Variants in AAK1 observed in about 807,000 individuals in gnomAD.
AAK1 encodes AP2-associated protein kinase 1.
AAK1 carries 37 observed loss-of-function variants against 116.0 expected under a neutral mutation model. The observed-to-expected ratio is 0.32, with a 90% CI of 0.25 to 0.42. AAK1 has a LOEUF of 0.42. Ranked by LOEUF, AAK1 falls within the 10% of genes least tolerant of loss-of-function variation. The pLI is 1.00. For synonymous variants in AAK1, 458 were observed against 439.9 expected (o/e 1.04, Z -0.51); for missense variants, 919 against 1,170.6 (o/e 0.79, Z 3.14).
Position 69,472,775 on chromosome 2 carries a change from G to A in AAK1, c.*3094C>T, listed in dbSNP as rs1001432855. On this transcript the variant is annotated 3_prime_UTR_variant, in exon 22 of 22. Coordinates refer to ENST00000409085, the MANE Select transcript of AAK1 (RefSeq NM_014911.5). ...GCCCGTTTTAAACTGGTAGATGCCT[G>A]ATTATACATTTAAAAAGAAATCTTC... 17 of 984,488 alleles carry A rather than the reference G, an allele frequency of 1.7e-5. No homozygotes were observed. The highest frequency in any genetic ancestry group is 6.2e-5 in the Admixed American group (1 of 16,186). 61.0% of individuals were successfully genotyped at this position (984,488 alleles called of 1,614,324 possible).
chr2:69,563,150 A>G (rs76792820), intron 2 of AAK1, among the ~76,000 whole-genome samples: 1,611 of 152,308 alleles, frequency 0.011, 22 homozygotes, highest in Middle Eastern at 0.017. Context: ...GGGGCTTTGG[A>G]AGAAGAAGCA....
chr2:69,511,988 G>C (rs569088552), intron 13 of AAK1, among the ~76,000 whole-genome samples: 27 of 152,270 alleles, frequency 1.8e-4, no homozygotes, highest in African/African-American at 6.0e-4. Context: ...AGGGACCTTA[G>C]AAAATGCAGA....
chr2:69,603,404 G>A (rs1440678891), intron 2 of AAK1, among the ~76,000 whole-genome samples: 2 of 152,144 alleles, frequency 1.3e-5, no homozygotes, highest in East Asian at 3.8e-4. Context: ...CCTATTCTGA[G>A]AATAAAAGGC....
chr2:69,536,915 T>A (rs1670497617), intron 5 of AAK1, among the ~76,000 whole-genome samples: 1 of 152,194 alleles, frequency 6.6e-6, no homozygotes, highest in Non-Finnish European at 1.5e-5. Flanking sequence ...GAGATCAAAA[T>A]CTCTATTCTA....
chr2:69,530,741 T>C (rs773373393), intron 6 of AAK1, 35 bp from the exon 7 acceptor site: 52 of 1,490,772 alleles, frequency 3.5e-5, no homozygotes, highest in South Asian at 2.1e-4. Flanking sequence ...ATTAAATATG[T>C]CAATACTATA....
Position 69,473,629 on chromosome 2 carries a change from A to G in AAK1, c.*2240T>C. On this transcript the variant is annotated 3_prime_UTR_variant, in exon 22 of 22. Coordinates refer to ENST00000409085, the MANE Select transcript of AAK1 (RefSeq NM_014911.5). Reference sequence around the variant, plus strand: ...ATATTTCAATGTAATTATGGGTAATATATGAAAAGAACAATTTAGAGATAC... The same window carrying G: ...ATATTTCAATGTAATTATGGGTAATGTATGAAAAGAACAATTTAGAGATAC... 2 of 982,900 alleles carry G rather than the reference A, an allele frequency of 2.0e-6. No individual in the cohort carries two copies. Among genetic ancestry groups the G allele is most frequent in the Non-Finnish European group, 2.4e-6 (2 of 827,324 alleles). 60.9% of individuals were successfully genotyped at this position (982,900 alleles called of 1,614,324 possible).
rs1049918844 is a variant in AAK1, at chr2:69,643,429, C to T, written c.-235+146G>A. The T allele has an allele frequency of 2.5e-6, 3 of 1,177,802 alleles. No homozygotes were observed. The South Asian group carries it at 1.3e-4, about 50-fold the overall frequency. The allele number at this position is 1,177,802 out of a possible 1,614,324, so 73.0% of individuals were successfully genotyped here. A position where few individuals can be genotyped will look rare whatever the true frequency, so the allele number is the denominator to read the frequency against. ...CGTGGGGCTGAAAACGCGACCCCGG[C>T]CCCAGAACCCGGGACCCCCGAGCCG... On this transcript the variant is annotated intron_variant, in intron 1 of 21. Coordinates refer to ENST00000409085, the MANE Select transcript of AAK1 (RefSeq NM_014911.5).
chr2:69,604,084 C>T (rs1358986926), intron 2 of AAK1, among the ~76,000 whole-genome samples: 1 of 152,224 alleles, frequency 6.6e-6, no homozygotes, highest in African/African-American at 2.4e-5. Flanking sequence ...TTCAGAACAA[C>T]CAGAGCTCAA....
intron 2 of AAK1, among the ~76,000 whole-genome samples, chr2:69,562,163 C>T (rs1336917715): frequency 6.6e-6 from 1 of 152,200 alleles, no homozygotes; most frequent in Non-Finnish European, 1.5e-5. Context: ...AAGCAGTACT[C>T]CACAGTGGTT....
rs1287319417 is a variant in AAK1 at position 69,466,437 on chromosome 2, T to C, written c.*9432A>G. 1 of 1,289,676 alleles carries C rather than the reference T, an allele frequency of 7.8e-7. No homozygotes were observed. The highest frequency in any genetic ancestry group is 1.0e-6 in the Non-Finnish European group (1 of 988,804). 79.9% of individuals were successfully genotyped at this position (1,289,676 alleles called of 1,614,324 possible). ...GTCAGATTCTAAGTTGTTCTGAGTC[T>C]TTGTGCCAGGTACTCTGGAGGGGTC... On this transcript the variant is annotated 3_prime_UTR_variant, in exon 22 of 22. Transcript: ENST00000409085.
intron 2 of AAK1, among the ~76,000 whole-genome samples, chr2:69,571,426 C>A (rs936354038): frequency 6.6e-6 from 1 of 152,212 alleles, no homozygotes; most frequent in Non-Finnish European, 1.5e-5. Flanking sequence ...CAAAATCTAG[C>A]TTCACTTCCT....
At chr2:69,499,519 T>G (rs976202882) in intron 16 of AAK1, among the ~76,000 whole-genome samples, 1 of 152,178 alleles carries the variant, frequency 6.6e-6, no homozygotes, top group Non-Finnish European at 1.5e-5. Flanking sequence ...AACTGTTCCA[T>G]GAAACCAAAG....
At position 69,463,494 on chromosome 2, in the gene AAK1, A is replaced by G. The variant is rs1674392992; in HGVS notation, c.*12375T>C. 1.3e-5 allele frequency: 2 copies of G among 151,816 alleles called. No individual in the cohort carries two copies. The highest frequency in any genetic ancestry group is 4.2e-4 in the South Asian group (2 of 4,812). The allele number at this position is 151,816 out of a possible 1,614,324, so 9.4% of individuals were successfully genotyped here. A position where few individuals can be genotyped will look rare whatever the true frequency, so the allele number is the denominator to read the frequency against. ...AGTAGCTACAGGCATATGTCACCAT[A>G]CCCAGCTAATTTTTTTCATTATTTT... is the stretch of plus-strand genomic sequence containing the variant. On this transcript the variant is annotated 3_prime_UTR_variant, in exon 22 of 22. Transcript: ENST00000409085.
intron 20 of AAK1, chr2:69,478,588 T>A (rs926218563): frequency 4.3e-6 from 1 of 232,110 alleles, no homozygotes; most frequent in Admixed American, 5.7e-5. Flanking sequence ...GAGAAGCTGG[T>A]ACCACCGGTG....
Position 69,466,308 on chromosome 2 carries a change from G to A in AAK1, c.*9561C>T, listed in dbSNP as rs1674484418. 2.3e-6 allele frequency: 3 copies of A among 1,289,804 alleles called. No individual in the cohort carries two copies. In the Admixed American group the frequency reaches 6.9e-5, roughly 30 times the overall value. 79.9% of individuals were successfully genotyped at this position (1,289,804 alleles called of 1,614,324 possible). On this transcript the variant is annotated 3_prime_UTR_variant, in exon 22 of 22. Coordinates refer to ENST00000409085, the MANE Select transcript of AAK1 (RefSeq NM_014911.5). ...TTCTTCTTCAGACTCCATAAGGAGA[G>A]GCCGAGACCCACTGCAGTCCAGCAT...
chr2:69,599,375 T>C (rs1673452562), intron 2 of AAK1, among the ~76,000 whole-genome samples: 1 of 129,880 alleles, frequency 7.7e-6, no homozygotes, highest in South Asian at 2.6e-4. Context: ...TATATAGTTC[T>C]GTGTAAAAAA....
rs9309428 is a variant in AAK1 at position 69,465,874 on chromosome 2, C to T, written c.*9995G>A. The T allele has an allele frequency of 0.41, 531,674 of 1,290,424 alleles. 112,052 individuals carry two copies. The highest frequency in any genetic ancestry group is 0.47 in the Middle Eastern group (2,184 of 4,694). 79.9% of individuals were successfully genotyped at this position (1,290,424 alleles called of 1,614,324 possible). On this transcript the variant is annotated 3_prime_UTR_variant, in exon 22 of 22. Coordinates refer to ENST00000409085, the MANE Select transcript of AAK1 (RefSeq NM_014911.5). ...GAGGTGTACACAGCTCTCTCACGGC[C>T]CGCGGGCAGGGGGACATCACCTGTC...
chr2:69,519,003 TGCTGTGCTGGCGGTG>T lies in AAK1; in HGVS notation c.1433_1447del (p.Pro478_Gln482del), dbSNP rs1025598619. On this transcript the variant is annotated inframe_deletion, in exon 12 of 22. Coordinates refer to ENST00000409085, the MANE Select transcript of AAK1 (RefSeq NM_014911.5). ...CTGGTAAAACGTGCCTGCCGGCTGC[TGCTGTGCTGGCGGTG>T]GCTGTTGCTGCTGCTGTTGCTGCTT... 11 of 1,549,768 alleles carry T rather than the reference TGCTGTGCTGGCGGTG, an allele frequency of 7.1e-6. No individual in the cohort carries two copies. In the African/African-American group the frequency reaches 8.2e-5, roughly 12 times the overall value.
At chr2:69,600,242 T>G (rs1295461582) in intron 2 of AAK1, among the ~76,000 whole-genome samples, 1 of 151,058 alleles carries the variant, frequency 6.6e-6, no homozygotes, top group Non-Finnish European at 1.5e-5. Flanking sequence ...CAGGATTGAG[T>G]TGAAAAGAGA....
Sources: allele counts gnomAD v4.1 joint callset (sites outside exome capture counted in the v4.1 genomes callset), GRCh38; gene constraint gnomAD v4.1.1; transcripts MANE v1.5; gene names NCBI Gene and HGNC (gene_info 2026-07-23, HGNC 2026-07-21).